MARK3: variants seen among roughly 807,000 people sequenced by gnomAD.
MARK3 encodes the protein MAP/microtubule affinity-regulating kinase 3.
A neutral mutation model predicts 90.1 loss-of-function variants in MARK3; 46 were observed. The observed-to-expected ratio is 0.51, with a 90% CI of 0.40 to 0.65. The LOEUF is 0.65. MARK3 is among the 30% of genes least tolerant of loss of function. The pLI, the probability that MARK3 is intolerant of heterozygous loss-of-function variation, is 0.00. For synonymous variants in MARK3, 321 were observed against 332.6 expected (o/e 0.97, Z 0.38); for missense variants, 818 against 947.2 (o/e 0.86, Z 1.79).
intron 13 of MARK3, among the ~76,000 whole-genome samples, chr14:103,479,628 CT>C (rs34768749): frequency 6.4e-5 from 5 of 78,250 alleles, no homozygotes; most frequent in Admixed American, 3.8e-4. Context: ...ATACGTATAG[CT>C]TTTTTTTTTT....
At chr14:103,424,071 G>A (rs1395522746) in intron 2 of MARK3, among the ~76,000 whole-genome samples, 1 of 152,156 alleles carries the variant, frequency 6.6e-6, no homozygotes, top group Non-Finnish European at 1.5e-5. Context: ...AGCTGGGTGT[G>A]GTGGCACGTG....
chr14:103,477,613 G>T (rs909600431), intron 13 of MARK3, among the ~76,000 whole-genome samples: 1 of 152,094 alleles, frequency 6.6e-6, no homozygotes, highest in Admixed American at 6.5e-5. Context: ...TGGGCAATGC[G>T]GTGGCATTTG....
intron 1 of MARK3, among the ~76,000 whole-genome samples, chr14:103,397,676 A>G (rs1198591181): frequency 6.6e-6 from 1 of 152,154 alleles, no homozygotes; most frequent in Non-Finnish European, 1.5e-5. Context: ...TTTTTATTCT[A>G]AGGATTAGAC....
intron 3 of MARK3, among the ~76,000 whole-genome samples, chr14:103,444,404 T>C (rs2141247419): frequency 6.6e-6 from 1 of 152,318 alleles, no homozygotes; most frequent in South Asian, 2.1e-4. Flanking sequence ...TTTATACGTT[T>C]CCATGTAATT....
intron 1 of MARK3, among the ~76,000 whole-genome samples, chr14:103,389,943 CAAAAAAAA>C (rs71126011): frequency 0.12 from 3,663 of 29,612 alleles, 270 homozygotes; most frequent in African/African-American, 0.34. Context: ...TACTCCGTCT[CAAAAAAAA>C]AAAAAAAAAA....
At chr14:103,399,337 A>G (rs191213657) in intron 1 of MARK3, among the ~76,000 whole-genome samples, 4 of 152,276 alleles carry the variant, frequency 2.6e-5, no homozygotes, top group South Asian at 2.1e-4. Context: ...TATGGCCCCT[A>G]TGTCAGTAGT....
intron 13 of MARK3, among the ~76,000 whole-genome samples, chr14:103,479,628 CTTTTTTT>C (rs34768749): frequency 2.6e-5 from 2 of 78,238 alleles, no homozygotes; most frequent in African/African-American, 5.3e-5. Flanking sequence ...ATACGTATAG[CTTTTTTT>C]TTTTTTTTTT....
intron 3 of MARK3, among the ~76,000 whole-genome samples, 193 bp from the exon 4 acceptor site, chr14:103,448,726 T>C (rs993793684): frequency 2.6e-5 from 4 of 152,218 alleles, no homozygotes; most frequent in African/African-American, 9.6e-5. Context: ...GGGAATACTA[T>C]TTGGTAATAG....
intron 2 of MARK3, among the ~76,000 whole-genome samples, chr14:103,415,117 A>T (rs958271275): frequency 3.2e-5 from 4 of 126,412 alleles, no homozygotes; most frequent in African/African-American, 1.2e-4. Context: ...ATGCCAGTAC[A>T]CTCCAGCCTG....
chr14:103,390,808 A>T (rs1165981211), intron 1 of MARK3, among the ~76,000 whole-genome samples: 1 of 152,170 alleles, frequency 6.6e-6, no homozygotes, highest in Non-Finnish European at 1.5e-5. Flanking sequence ...TCTTGGGCTC[A>T]AGCAATCCTT....
intron 1 of MARK3, among the ~76,000 whole-genome samples, chr14:103,399,807 G>A (rs907994120): frequency 2.0e-5 from 3 of 151,834 alleles, no homozygotes; most frequent in Admixed American, 1.3e-4. Context: ...TTTTAAGGTA[G>A]TTTTGTCTTT....
chr14:103,450,923 T>G (rs2093129600), intron 4 of MARK3, among the ~76,000 whole-genome samples: 3 of 12,946 alleles, frequency 2.3e-4, no homozygotes, highest in African/African-American at 1.8e-3. Context: ...TGTGTATTCT[T>G]TTTTTTTTTT....
intron 17 of MARK3, among the ~76,000 whole-genome samples, chr14:103,501,862 G>A (rs1473673686): frequency 6.6e-6 from 1 of 152,202 alleles, no homozygotes; most frequent in Non-Finnish European, 1.5e-5. Flanking sequence ...AGTATTGGTG[G>A]ATGTGAACCA....
At chr14:103,465,482 A>G (rs772795058) in intron 7 of MARK3, 75 bp from the exon 8 acceptor site, 12 of 1,018,392 alleles carry the variant, frequency 1.2e-5, no homozygotes, top group South Asian at 2.7e-5. Flanking sequence ...AAGCTTTTCT[A>G]AAATGCCTAA....
At chr14:103,482,917 G>A (rs1174310613) in intron 14 of MARK3, among the ~76,000 whole-genome samples, 3 of 152,086 alleles carry the variant, frequency 2.0e-5, no homozygotes, top group Non-Finnish European at 4.4e-5. Context: ...TGCTTCTGAA[G>A]GTGTCGTCTT....
In MARK3 at chr14:103,491,188, G is replaced by C. The variant is rs2094009485; in HGVS notation, c.1587-589G>C. The C allele has an allele frequency of 2.7e-6, 3 of 1,095,112 alleles. No individual in the cohort carries two copies. In the South Asian group the frequency reaches 5.2e-5, roughly 19 times the overall value. The allele number at this position is 1,095,112 out of a possible 1,614,324, so 67.8% of individuals were successfully genotyped here. A position where few individuals can be genotyped will look rare whatever the true frequency, so the allele number is the denominator to read the frequency against. ...TTGTGCTGTGGATTTTATAGTCTGA[G>C]ATTTTGTTACAGTTGTCCACAAGGC... On this transcript the variant is annotated intron_variant, in intron 14 of 17. Coordinates refer to ENST00000429436, the MANE Select transcript of MARK3 (RefSeq NM_001128918.3).
chr14:103,428,665 C>CT (rs898263949), intron 3 of MARK3, among the ~76,000 whole-genome samples: 30 of 150,900 alleles, frequency 2.0e-4, no homozygotes, highest in African/African-American at 4.6e-4. Flanking sequence ...AAAGGCTGTG[C>CT]TTTTTTTTTG....
chr14:103,388,405 A>G (rs2089975898), intron 1 of MARK3, among the ~76,000 whole-genome samples: 1 of 152,260 alleles, frequency 6.6e-6, no homozygotes, highest in Non-Finnish European at 1.5e-5. Flanking sequence ...TAACTCAGGT[A>G]TAGTCCATAT....
At chr14:103,456,220 T>C (rs1214611750) in intron 5 of MARK3, among the ~76,000 whole-genome samples, 1 of 152,186 alleles carries the variant, frequency 6.6e-6, no homozygotes, top group African/African-American at 2.4e-5. Flanking sequence ...CTTTCATGAT[T>C]GGTTTGATTA....
Sources: allele counts gnomAD v4.1 joint callset (sites outside exome capture counted in the v4.1 genomes callset), GRCh38; gene constraint gnomAD v4.1.1; transcripts MANE v1.5; gene names NCBI Gene and HGNC (gene_info 2026-07-23, HGNC 2026-07-21).